CNTNAP5: variants seen among roughly 807,000 people sequenced by gnomAD.
The protein encoded by CNTNAP5 is contactin-associated protein-like 5.
Under a neutral mutation model 150.2 loss-of-function variants are expected in CNTNAP5, and 72 were observed. That is an observed-to-expected ratio of 0.48 (90% CI 0.40 to 0.58). The LOEUF is 0.58. Ranked by LOEUF, CNTNAP5 falls within the 20% of genes least tolerant of loss-of-function variation. The pLI, the probability that CNTNAP5 is intolerant of heterozygous loss-of-function variation, is 0.00. For missense variants in CNTNAP5, 1,636 were observed against 1,626.2 expected, an observed-to-expected ratio of 1.01 and a Z score of -0.10; for synonymous variants, 672 against 619.8, an observed-to-expected ratio of 1.08 and a Z score of -1.25.
At chr2:124,850,721 C>T (rs1188821787) in intron 19 of CNTNAP5, among the ~76,000 whole-genome samples, 1 of 151,822 alleles carries the variant, frequency 6.6e-6, no homozygotes, top group Admixed American at 6.6e-5. Context: ...AAGGTGACAT[C>T]GAGAAATCAG....
At chr2:124,525,076 A>C (rs969351789) in intron 9 of CNTNAP5, among the ~76,000 whole-genome samples, 4 of 152,226 alleles carry the variant, frequency 2.6e-5, no homozygotes, top group Non-Finnish European at 2.9e-5. Flanking sequence ...CCAATGACAA[A>C]AACACAAGGG....
At chr2:124,191,064 A>G (rs1558794018) in intron 1 of CNTNAP5, among the ~76,000 whole-genome samples, 2 of 152,212 alleles carry the variant, frequency 1.3e-5, no homozygotes, top group Non-Finnish European at 2.9e-5. Context: ...CTGTAAATAT[A>G]TACCTATGTT....
intron 3 of CNTNAP5, among the ~76,000 whole-genome samples, chr2:124,410,986 G>A (rs985141414): frequency 1.3e-5 from 2 of 151,878 alleles, no homozygotes; most frequent in Non-Finnish European, 2.9e-5. Flanking sequence ...CCGCTAGCAG[G>A]ACTAATAAAG....
intron 18 of CNTNAP5, among the ~76,000 whole-genome samples, chr2:124,791,360 T>C (rs1179081019): frequency 2.6e-5 from 4 of 152,214 alleles, no homozygotes; most frequent in African/African-American, 9.6e-5. Context: ...GCTAACCGCA[T>C]GGAAGCTTAA....
At chr2:124,629,715 G>T (rs1677804745) in intron 12 of CNTNAP5, among the ~76,000 whole-genome samples, 2 of 150,038 alleles carry the variant, frequency 1.3e-5, no homozygotes, top group South Asian at 2.1e-4. Context: ...CAAACTCAGA[G>T]TGGAACTGGA....
At chr2:124,903,920 G>C (rs1050310409) in intron 22 of CNTNAP5, among the ~76,000 whole-genome samples, 1 of 151,928 alleles carries the variant, frequency 6.6e-6, no homozygotes, top group Non-Finnish European at 1.5e-5. Context: ...TGGCCGTGGT[G>C]GTGGGCACCT....
intron 1 of CNTNAP5, among the ~76,000 whole-genome samples, chr2:124,169,650 G>T (rs539558704): frequency 6.6e-6 from 1 of 152,160 alleles, no homozygotes; most frequent in South Asian, 2.1e-4. Context: ...CTATCCTGTT[G>T]GATTTATAAT....
chr2:124,076,078 T>C (rs968373207), intron 1 of CNTNAP5, among the ~76,000 whole-genome samples: 4 of 152,128 alleles, frequency 2.6e-5, no homozygotes, highest in African/African-American at 4.8e-5. Flanking sequence ...ATTAACCCAA[T>C]GATTATATGT....
intron 13 of CNTNAP5, among the ~76,000 whole-genome samples, chr2:124,745,555 G>A (rs921569337): frequency 1.3e-5 from 2 of 152,080 alleles, no homozygotes; most frequent in African/African-American, 2.4e-5. Context: ...ACCCGAGCAG[G>A]GATTTAGGAA....
intron 20 of CNTNAP5, among the ~76,000 whole-genome samples, 167 bp from the exon 21 acceptor site, chr2:124,869,508 C>T (rs1271862143): frequency 6.6e-6 from 1 of 152,028 alleles, no homozygotes; most frequent in Non-Finnish European, 1.5e-5. Flanking sequence ...ATTTTATGTG[C>T]GTTGTGGGCA....
intron 21 of CNTNAP5, among the ~76,000 whole-genome samples, chr2:124,891,428 G>A (rs943393920): frequency 6.6e-6 from 1 of 152,118 alleles, no homozygotes; most frequent in African/African-American, 2.4e-5. Flanking sequence ...TCAAGAGGAA[G>A]GGAAATAGAC....
intron 13 of CNTNAP5, among the ~76,000 whole-genome samples, chr2:124,707,351 T>G (rs1679713464): frequency 6.6e-6 from 1 of 152,088 alleles, no homozygotes; most frequent in Non-Finnish European, 1.5e-5. Flanking sequence ...CATTAGAACT[T>G]GAAATTGAGT....
At chr2:124,185,942 A>G (rs1337447225) in intron 1 of CNTNAP5, among the ~76,000 whole-genome samples, 3 of 152,232 alleles carry the variant, frequency 2.0e-5, no homozygotes, top group African/African-American at 7.2e-5. Flanking sequence ...ATATTTGTTT[A>G]CTTGTTAGCA....
At chr2:124,325,352 T>G (rs1220041920) in intron 3 of CNTNAP5, among the ~76,000 whole-genome samples, 2 of 152,226 alleles carry the variant, frequency 1.3e-5, no homozygotes, top group African/African-American at 4.8e-5. Flanking sequence ...TTTTATTATA[T>G]AAACTTGAAC....
rs1166269007 is a variant in CNTNAP5 at position 124,204,462 on chromosome 2, T to TAC, written c.83-17243_83-17242insAC. Among the ~76,000 whole-genome samples the TAC allele has an allele frequency of 2.0e-5, 3 of 152,336 alleles. No homozygotes were observed. The East Asian group carries it at 5.8e-4, about 29-fold the overall frequency. On this transcript the variant is annotated intron_variant, in intron 1 of 23. Coordinates refer to ENST00000682447, the MANE Select transcript of CNTNAP5 (RefSeq NM_001367498.1). ...CAGTTACCCAGTTCCACAGTTGCTT[T>TAC]CACATCATTCTGGGGTATCTTTATA...
intron 1 of CNTNAP5, among the ~76,000 whole-genome samples, chr2:124,137,823 G>A (rs1684013417): frequency 1.3e-5 from 2 of 151,864 alleles, no homozygotes; most frequent in African/African-American, 4.8e-5. Flanking sequence ...AGCATGCAGA[G>A]GGCCATGAGC....
chr2:124,297,917 T>A (rs1313543144), intron 3 of CNTNAP5, among the ~76,000 whole-genome samples: 3 of 151,546 alleles, frequency 2.0e-5, no homozygotes, highest in Non-Finnish European at 4.4e-5. Flanking sequence ...CAATCTTGGC[T>A]CACTGCAACC....
chr2:124,855,935 C>G (rs967236445), intron 19 of CNTNAP5, among the ~76,000 whole-genome samples: 1 of 152,114 alleles, frequency 6.6e-6, no homozygotes, highest in African/African-American at 2.4e-5. Context: ...CATAGCTTAG[C>G]TCCCACTTAT....
chr2:124,794,345 T>C (rs1428154994), intron 18 of CNTNAP5, among the ~76,000 whole-genome samples: 2 of 152,186 alleles, frequency 1.3e-5, no homozygotes, highest in Non-Finnish European at 2.9e-5. Flanking sequence ...AGCGCAGGAC[T>C]CTTTCACAGG....
Sources: allele counts gnomAD v4.1 joint callset (sites outside exome capture counted in the v4.1 genomes callset), GRCh38; gene constraint gnomAD v4.1.1; transcripts MANE v1.5; gene names NCBI Gene and HGNC (gene_info 2026-07-23, HGNC 2026-07-21).